Variants in USP54 observed in about 807,000 individuals in gnomAD.
The protein encoded by USP54 is ubiquitin carboxyl-terminal hydrolase 54.
In USP54, 87 loss-of-function variants were observed where a neutral mutation model predicts 170.5. The observed-to-expected ratio is 0.51, with a 90% CI of 0.43 to 0.61. The LOEUF is 0.61. Among genes scored for constraint, USP54 ranks in the 20% least tolerant of loss-of-function variants. The pLI is 0.00. For synonymous variants in USP54, 655 were observed against 742.8 expected (o/e 0.88, Z 1.92); for missense variants, 1,786 against 2,047.8 (o/e 0.87, Z 2.47).
intron 23 of USP54, 79 bp downstream of exon 23, chr10:73,500,576 A>T: frequency 7.3e-7 from 1 of 1,371,490 alleles, no homozygotes; most frequent in Non-Finnish European, 9.9e-7. Flanking sequence ...CCCTCCCCAT[A>T]GGTATACTGA....
At chr10:73,508,755 C>A (rs2059654315) in intron 20 of USP54, among the ~76,000 whole-genome samples, 1 of 151,304 alleles carries the variant, frequency 6.6e-6, no homozygotes, top group South Asian at 2.1e-4. Flanking sequence ...ACAACCTCCA[C>A]CTCCCAGGTT....
chr10:73,539,428 A>C lies in USP54; in HGVS notation c.975+16T>G, dbSNP rs2133487650. 2 of 1,585,238 alleles carry C rather than the reference A, an allele frequency of 1.3e-6. No homozygotes were observed. Among genetic ancestry groups the C allele is most frequent in the South Asian group, 2.3e-5 (2 of 86,524 alleles). On this transcript the variant is annotated intron_variant, in intron 10 of 23. Transcript: ENST00000687698. The stretch of plus-strand genomic sequence containing the variant: ...GTAGTCACCAAACACTTCAAAAAGG[A>C]CTTGACTACTCCTACCTCCTTGACA...
At chr10:73,614,748 AT>A (rs1177729256) in intron 1 of USP54, among the ~76,000 whole-genome samples, 1 of 150,050 alleles carries the variant, frequency 6.7e-6, no homozygotes, top group Non-Finnish European at 1.5e-5. Flanking sequence ...ACATATAAAG[AT>A]AAATTCCAAA....
rs1218356291 is a variant in USP54 at position 73,504,676 on chromosome 10, T to A, written c.4311+174A>T. On this transcript the variant is annotated intron_variant, in intron 22 of 23. Transcript: ENST00000687698. Reference sequence around the variant, plus strand: ...ACATGGAATGGACATTCCTCTGGGCTCCAGCTGAATGTTTGTAAATAAAAT... The same window carrying A: ...ACATGGAATGGACATTCCTCTGGGCACCAGCTGAATGTTTGTAAATAAAAT... 3.5e-6 allele frequency: 3 copies of A among 856,350 alleles called. No homozygotes were observed. In the East Asian group the frequency reaches 8.1e-5, roughly 23 times the overall value. 53.0% of individuals were successfully genotyped at this position (856,350 alleles called of 1,614,324 possible).
chr10:73,526,576 C>T (rs2062907419), intron 16 of USP54, 71 bp downstream of exon 16: 1 of 1,588,266 alleles, frequency 6.3e-7, no homozygotes. Context: ...CAAATGTGCT[C>T]AGGTAAGTCT....
chr10:73,601,022 C>T (rs2079128076), intron 1 of USP54, among the ~76,000 whole-genome samples: 1 of 152,108 alleles, frequency 6.6e-6, no homozygotes, highest in African/African-American at 2.4e-5. Flanking sequence ...TGCGCATGTA[C>T]CCTGGAACCT....
intron 1 of USP54, among the ~76,000 whole-genome samples, chr10:73,580,183 T>C (rs994363298): frequency 7.9e-5 from 12 of 151,324 alleles, no homozygotes; most frequent in African/African-American, 2.7e-4. Flanking sequence ...AATTAGCCAA[T>C]GGCAGGCACC....
Position 73,530,369 on chromosome 10 carries a change from GC to G in USP54, c.1601del (p.Gly534AlafsTer24). ...SQTNVGSHCR[G>X]RGGDQPDKKP... is the part of the protein sequence containing the mutation. ...TTTTGTCAGGCTGGTCTCCTCCTCT[GC>G]CCCTGCAGTGAGAGCCTACATTGGT... On this transcript the variant is annotated frameshift_variant, in exon 14 of 24. Coordinates refer to ENST00000687698, the MANE Select transcript of USP54 (RefSeq NM_001391956.1). LOFTEE classifies it high-confidence loss of function. 6.2e-7 allele frequency: 1 copy of G among 1,614,068 alleles called. No individual in the cohort carries two copies. The highest frequency in any genetic ancestry group is 1.1e-5 in the South Asian group (1 of 91,076).
chr10:73,540,745 C>T (rs1459997917), intron 9 of USP54, among the ~76,000 whole-genome samples: 1 of 152,084 alleles, frequency 6.6e-6, no homozygotes, highest in Non-Finnish European at 1.5e-5. Context: ...CAGGTAGGCA[C>T]TGGTGAAAAA....
At chr10:73,593,607 T>C (rs1310461769), upstream of USP54, among the ~76,000 whole-genome samples, 1 of 152,216 alleles carries the variant, frequency 6.6e-6, no homozygotes, top group African/African-American at 2.4e-5. Context: ...TCAAGTACTT[T>C]GCAGGGAATA....
rs185175768 is a variant in USP54 at position 73,562,093 on chromosome 10, T to G, written c.240+9328A>C. 9.5e-4 allele frequency among the ~76,000 whole-genome samples: 144 copies of G among 151,852 alleles called. No individual in the cohort carries two copies. The Middle Eastern group carries it at 0.017, about 18-fold the overall frequency. On this transcript the variant is annotated intron_variant, in intron 4 of 23. Transcript: ENST00000687698. ...TCCAGCCTGGGTGATAGAGCAAAAC[T>G]CTGTCTCATTAAAAAAAAGAGAGAG... is the stretch of plus-strand genomic sequence containing the variant.
intron 1 of USP54, among the ~76,000 whole-genome samples, chr10:73,582,590 C>T (rs996870684): frequency 1.3e-5 from 2 of 152,290 alleles, no homozygotes; most frequent in East Asian, 3.9e-4. Context: ...AGAGTTTCGC[C>T]ATGTTGGCCA....
intron 15 of USP54, among the ~76,000 whole-genome samples, chr10:73,528,548 G>A (rs187120477): frequency 6.5e-4 from 99 of 151,844 alleles, no homozygotes; most frequent in African/African-American, 2.1e-3. Context: ...GAGCTACTGC[G>A]GCAGGCCTAG....
At chr10:73,569,307 A>T (rs1283663548) in intron 4 of USP54, among the ~76,000 whole-genome samples, 1 of 152,140 alleles carries the variant, frequency 6.6e-6, no homozygotes, top group Non-Finnish European at 1.5e-5. Flanking sequence ...TTGTTTATCT[A>T]AAATTAGATA....
At chr10:73,608,075 T>G (rs950974564) in intron 1 of USP54, among the ~76,000 whole-genome samples, 3 of 151,654 alleles carry the variant, frequency 2.0e-5, no homozygotes, top group African/African-American at 7.3e-5. Flanking sequence ...GCCTGGGCAA[T>G]ATGGTGAAAC....
chr10:73,552,855 T>C (rs1318446856), intron 4 of USP54, among the ~76,000 whole-genome samples: 1 of 152,118 alleles, frequency 6.6e-6, no homozygotes, highest in African/African-American at 2.4e-5. Flanking sequence ...GTGTGATAAG[T>C]GCTAAATGTT....
chr10:73,547,605 C>T (rs1366120648), intron 4 of USP54, among the ~76,000 whole-genome samples: 1 of 152,136 alleles, frequency 6.6e-6, no homozygotes, highest in Non-Finnish European at 1.5e-5. Flanking sequence ...TGATCTTTGA[C>T]AAACCTGACA....
At chr10:73,596,465 AGGAGAATGGT>A (rs2078739283) in intron 1 of USP54, among the ~76,000 whole-genome samples, 1 of 151,956 alleles carries the variant, frequency 6.6e-6, no homozygotes, top group Admixed American at 6.6e-5. Context: ...AGGCTGAGGC[AGGAGAATGGT>A]GTGAACCCGA....
At chr10:73,524,244 A>G (rs914771868) in intron 16 of USP54, among the ~76,000 whole-genome samples, 4 of 151,960 alleles carry the variant, frequency 2.6e-5, no homozygotes, top group Non-Finnish European at 5.9e-5. Flanking sequence ...AATGCTTTCC[A>G]TAATTAGATT....
Sources: allele counts gnomAD v4.1 joint callset (sites outside exome capture counted in the v4.1 genomes callset), GRCh38; gene constraint gnomAD v4.1.1; transcripts MANE v1.5; gene names NCBI Gene and HGNC (gene_info 2026-07-23, HGNC 2026-07-21).